The following LRRC28 variants were observed in gnomAD, a reference collection of about 807,000 sequenced individuals.
LRRC28 encodes the protein leucine rich repeat containing 28, also known as leucine-rich repeat-containing protein 28.
A neutral mutation model predicts 45.7 loss-of-function variants in LRRC28; 39 were observed. The ratio of observed to expected loss-of-function variants is 0.85; its 90% CI spans 0.66 to 1.12. LRRC28 has a LOEUF of 1.12. Ranked by LOEUF, LRRC28 falls within the 50% of genes most tolerant of loss-of-function variation. The probability of loss-of-function intolerance (pLI) is 0.00; values close to 1 mark genes in which losing one functional copy is unlikely to be tolerated. For missense variants in LRRC28, 435 were observed against 438.5 expected (o/e 0.99, Z 0.07); for synonymous variants, 206 against 178.8 (o/e 1.15, Z -1.22).
chr15:99,368,796 G>A (rs1258435002), intron 9 of LRRC28, among the ~76,000 whole-genome samples: 1 of 152,182 alleles, frequency 6.6e-6, no homozygotes, highest in Admixed American at 6.5e-5. Context: ...TCTCTTTCAT[G>A]TTTTACAATA....
chr15:99,286,239 T>C (rs1157417235), intron 3 of LRRC28, among the ~76,000 whole-genome samples: 1 of 152,238 alleles, frequency 6.6e-6, no homozygotes, highest in Non-Finnish European at 1.5e-5. Context: ...CAAGCAGTTC[T>C]CCTGCCTCAG....
chr15:99,287,447 A>C (rs1299877570), intron 4 of LRRC28, among the ~76,000 whole-genome samples, 153 bp downstream of exon 4: 5 of 152,196 alleles, frequency 3.3e-5, no homozygotes, highest in African/African-American at 1.2e-4. Flanking sequence ...AATTAAATAA[A>C]TCTAAAATGG....
At chr15:99,284,910 C>G (rs1432975977) in intron 3 of LRRC28, 1 of 593,116 alleles carries the variant, frequency 1.7e-6, no homozygotes, top group Non-Finnish European at 3.2e-6. Context: ...CCCATCATGA[C>G]TGCTGAAGTT....
chr15:99,383,812 T>G (rs747765517), intron 9 of LRRC28, among the ~76,000 whole-genome samples: 6 of 152,144 alleles, frequency 3.9e-5, no homozygotes, highest in African/African-American at 7.2e-5. Context: ...CTCTCTGCAT[T>G]CCCATTTATC....
At chr15:99,259,738 A>T in intron 2 of LRRC28, 2 of 1,417,254 alleles carry the variant, frequency 1.4e-6, no homozygotes, top group Non-Finnish European at 2.0e-6. Context: ...AAGATGATAA[A>T]ACAGTTTTGG....
At chr15:99,331,998 C>G (rs1956175446) in intron 5 of LRRC28, 1 of 152,224 alleles carries the variant, frequency 6.6e-6, no homozygotes, top group Admixed American at 6.5e-5. Flanking sequence ...GAGGCCTTGT[C>G]TCATCATTGT....
intron 2 of LRRC28, among the ~76,000 whole-genome samples, chr15:99,268,115 T>TA (rs2081379233): frequency 6.6e-6 from 1 of 152,212 alleles, no homozygotes; most frequent in Non-Finnish European, 1.5e-5. Flanking sequence ...TATTTATTGA[T>TA]AACCTCTTCC....
chr15:99,276,724 A>G, intron 3 of LRRC28, 108 bp downstream of exon 3: 4 of 867,684 alleles, frequency 4.6e-6, no homozygotes, highest in Non-Finnish European at 5.0e-6. Context: ...ATTTTTTGGT[A>G]TCATGATCAT....
At chr15:99,291,799 A>G (rs2082129086) in intron 5 of LRRC28, among the ~76,000 whole-genome samples, 1 of 152,220 alleles carries the variant, frequency 6.6e-6, no homozygotes, top group Non-Finnish European at 1.5e-5. Context: ...TCAGCAATAT[A>G]TGAGAGGTGC....
At chr15:99,335,366 C>G (rs996400632) in intron 6 of LRRC28, among the ~76,000 whole-genome samples, 2 of 152,192 alleles carry the variant, frequency 1.3e-5, no homozygotes, top group Admixed American at 6.5e-5. Flanking sequence ...CATATTTATC[C>G]TGCTTCCTTT....
intron 3 of LRRC28, among the ~76,000 whole-genome samples, chr15:99,279,414 CT>C (rs1418720326): frequency 6.6e-6 from 1 of 152,154 alleles, no homozygotes; most frequent in Non-Finnish European, 1.5e-5. Context: ...AAACAATTGC[CT>C]GTAATTTGTT....
rs1956911464 is a variant in LRRC28, at chr15:99,352,398, G to A, written c.622G>A (p.Val208Ile). The A allele has an allele frequency of 1.9e-6, 3 of 1,613,774 alleles. No individual in the cohort carries two copies. In the South Asian group the frequency reaches 3.3e-5, roughly 18 times the overall value. ...DLGRSRELQY[V>I]YVDNNIHLKG... is the part of the protein sequence containing the mutation. Reference sequence around the variant, plus strand: ...AGGTCGATCTCGAGAACTACAGTATGTATACGTGGATAACAACATTCACCT... The same window carrying A: ...AGGTCGATCTCGAGAACTACAGTATATATACGTGGATAACAACATTCACCT... Residue 208 changes from valine to isoleucine, a missense_variant, in exon 7 of 10, where the codon GTA becomes ATA. Transcript: ENST00000301981.
Position 99,327,167 on chromosome 15 carries a change from C to T in LRRC28, c.386-6756C>T, listed in dbSNP as rs539078234. Reference sequence around the variant, plus strand: ...TCGGCTCATGGCAACCTCCACCCCCCGGGTTGAAGCAATTCTCCTGCCTTA... The same window carrying T: ...TCGGCTCATGGCAACCTCCACCCCCTGGGTTGAAGCAATTCTCCTGCCTTA... On this transcript the variant is annotated intron_variant, in intron 5 of 9. Transcript: ENST00000301981. 1.1e-4 allele frequency among the ~76,000 whole-genome samples: 16 copies of T among 152,148 alleles called. No homozygotes were observed. The East Asian group carries it at 2.5e-3, about 24-fold the overall frequency.
At chr15:99,269,246 A>G (rs1369974001) in intron 2 of LRRC28, among the ~76,000 whole-genome samples, 3 of 152,266 alleles carry the variant, frequency 2.0e-5, no homozygotes, top group African/African-American at 7.2e-5. Flanking sequence ...TGCTAAGCAA[A>G]TACTTTCATT....
At chr15:99,331,103 A>G (rs962331425) in intron 5 of LRRC28, among the ~76,000 whole-genome samples, 2 of 152,200 alleles carry the variant, frequency 1.3e-5, no homozygotes, top group African/African-American at 2.4e-5. Flanking sequence ...CCATTTTACA[A>G]TAACGCAAAA....
At chr15:99,258,643 T>C in intron 2 of LRRC28, 1 of 755,064 alleles carries the variant, frequency 1.3e-6, no homozygotes, top group Admixed American at 1.8e-5. Flanking sequence ...ATCAAACCAA[T>C]ATGGCAGAGA....
chr15:99,331,779 G>C (rs1433442586), intron 5 of LRRC28: 1 of 152,190 alleles, frequency 6.6e-6, no homozygotes. Context: ...TGTGCAAGCT[G>C]TATGTAGTTT....
chr15:99,368,030 G>A (rs1377140765), intron 9 of LRRC28, among the ~76,000 whole-genome samples: 5 of 152,128 alleles, frequency 3.3e-5, no homozygotes, highest in African/African-American at 1.2e-4. Context: ...TCACTTAGGA[G>A]ATTTCAGAGT....
chr15:99,274,128 C>T (rs190408483), intron 2 of LRRC28, among the ~76,000 whole-genome samples: 65 of 152,250 alleles, frequency 4.3e-4, no homozygotes, highest in East Asian at 3.7e-3. Flanking sequence ...TCACAGCTTT[C>T]AGCATTTGAA....
Sources: gnomAD v4.1 joint callset for allele counts (sites outside exome capture counted in the v4.1 genomes callset) on GRCh38, gnomAD v4.1.1 for gene constraint, MANE v1.5 for transcripts, NCBI Gene and HGNC (gene_info 2026-07-23, HGNC 2026-07-21) for gene names.